BNC2: variants seen among roughly 807,000 people sequenced by gnomAD.
BNC2 encodes basonuclin zinc finger protein 2.
BNC2 carries 20 observed loss-of-function variants against 76.3 expected under a neutral mutation model. The observed-to-expected ratio is 0.26, with a 90% CI of 0.18 to 0.38. The LOEUF (loss-of-function observed/expected upper bound fraction) is 0.38, where lower values mean the gene tolerates loss of function less well. Ranked by LOEUF, BNC2 falls within the 10% of genes least tolerant of loss-of-function variation. The pLI is 1.00. For missense variants in BNC2, 1,382 were observed against 1,399.8 expected (o/e 0.99, Z 0.20); for synonymous variants, 582 against 514.8 (o/e 1.13, Z -1.77).
At chr9:16,738,196 T>C (rs1427578226) in intron 2 of BNC2, among the ~76,000 whole-genome samples, 164 bp downstream of exon 2, 1 of 152,080 alleles carries the variant, frequency 6.6e-6, no homozygotes, top group African/African-American at 2.4e-5. Flanking sequence ...AGGCAAGAAG[T>C]GTTAGGAAGC....
At chr9:16,478,541 C>CT (rs1239073901) in intron 5 of BNC2, among the ~76,000 whole-genome samples, 1 of 152,294 alleles carries the variant, frequency 6.6e-6, no homozygotes, top group Non-Finnish European at 1.5e-5. Context: ...AAAATACTGC[C>CT]TTTTTTTAGA....
intron 3 of BNC2, among the ~76,000 whole-genome samples, chr9:16,687,303 G>A (rs937991504): frequency 2.0e-5 from 3 of 152,066 alleles, no homozygotes; most frequent in African/African-American, 4.8e-5. Flanking sequence ...GACAACAAAG[G>A]AAAAAGGCGC....
chr9:16,452,831 A>C (rs1331422688), intron 5 of BNC2, among the ~76,000 whole-genome samples: 2 of 152,164 alleles, frequency 1.3e-5, no homozygotes, highest in Admixed American at 6.5e-5. Context: ...TCCTTCCTGC[A>C]ATTTCTAATT....
intron 5 of BNC2, among the ~76,000 whole-genome samples, chr9:16,440,949 CAAAT>C (rs1168866142): frequency 6.6e-6 from 1 of 152,154 alleles, no homozygotes; most frequent in Non-Finnish European, 1.5e-5. Context: ...TATTTGCAAA[CAAAT>C]AGACTTAAGA....
intron 1 of BNC2, among the ~76,000 whole-genome samples, chr9:16,811,470 T>C (rs1384595805): frequency 7.2e-6 from 1 of 138,904 alleles, no homozygotes; most frequent in Non-Finnish European, 1.5e-5. Context: ...GAGAATCACT[T>C]GAACCAGGGA....
intron 3 of BNC2, among the ~76,000 whole-genome samples, chr9:16,659,577 C>T (rs1587284202): frequency 6.9e-6 from 1 of 144,556 alleles, no homozygotes; most frequent in East Asian, 2.0e-4. Flanking sequence ...CACTGCACTC[C>T]AGCCCGGTGA....
Position 16,436,826 on chromosome 9 carries a change from G to A in BNC2, c.1368C>T (p.Leu456=). The change falls in exon 6 of 7, where the codon CTC becomes CTT. Residue 456 remains leucine (L), a synonymous_variant. Transcript: ENST00000380672. The part of the protein sequence containing the change: ...CGKTFYDKGT[L]KIHYNAVHLK... ...GGTGAACAGCATTGTAATGAATTTT[G>A]AGAGTACCTTTGTCATAGAATGTCT... is the stretch of plus-strand genomic sequence containing the variant. 1 of 1,614,156 alleles carries A rather than the reference G, an allele frequency of 6.2e-7. No homozygotes were observed. Among genetic ancestry groups the A allele is most frequent in the Non-Finnish European group, 8.5e-7 (1 of 1,180,028 alleles).
At chr9:16,532,763 T>C (rs1028549179) in intron 5 of BNC2, among the ~76,000 whole-genome samples, 22 of 152,238 alleles carry the variant, frequency 1.4e-4, no homozygotes, top group African/African-American at 5.1e-4. Context: ...GCTCTGAAGA[T>C]TACTTGCTTC....
At chr9:16,860,594 T>A (rs376041071) in intron 1 of BNC2, among the ~76,000 whole-genome samples, 4 of 151,908 alleles carry the variant, frequency 2.6e-5, no homozygotes, top group African/African-American at 9.7e-5. Flanking sequence ...AAGACACTTA[T>A]CAAAAAAAAC....
intron 3 of BNC2, among the ~76,000 whole-genome samples, chr9:16,713,611 C>G (rs1218274534): frequency 1.3e-5 from 2 of 152,064 alleles, no homozygotes; most frequent in Admixed American, 1.3e-4. Flanking sequence ...GTGCCACTGT[C>G]ATGCCTATAC....
chr9:16,851,548 C>T (rs1819127485), intron 1 of BNC2, among the ~76,000 whole-genome samples: 1 of 152,112 alleles, frequency 6.6e-6, no homozygotes, highest in Non-Finnish European at 1.5e-5. Context: ...GACTTTCTTC[C>T]AAATTCTAAG....
intron 1 of BNC2, among the ~76,000 whole-genome samples, chr9:16,805,183 G>A (rs1333247694): frequency 6.6e-6 from 1 of 152,202 alleles, no homozygotes; most frequent in Non-Finnish European, 1.5e-5. Flanking sequence ...GGGTTTGTCA[G>A]AGAACACATG....
At chr9:16,632,462 T>C (rs916987123) in intron 3 of BNC2, among the ~76,000 whole-genome samples, 2 of 152,082 alleles carry the variant, frequency 1.3e-5, no homozygotes, top group East Asian at 3.9e-4. Flanking sequence ...AAAAGCACCA[T>C]ATTCCCAAAT....
intron 1 of BNC2, among the ~76,000 whole-genome samples, chr9:16,810,190 C>T (rs1364426493): frequency 1.3e-5 from 2 of 152,090 alleles, no homozygotes; most frequent in African/African-American, 4.8e-5. Context: ...ATGAATTGTC[C>T]CTGACCTGTC....
rs1818158347 is a variant in BNC2, at chr9:16,815,399, G to A, written c.3+55247C>T. Among the ~76,000 whole-genome samples, 4 of 152,326 alleles carry A rather than the reference G, an allele frequency of 2.6e-5. No homozygotes were observed. In the South Asian group the frequency reaches 8.3e-4, roughly 32 times the overall value. ...CAACAGGAAGGATGGACAGCAGTAG[G>A]AGAGATTAGATATGGAATGTTTGTA... On this transcript the variant is annotated intron_variant, in intron 1 of 6. Coordinates refer to ENST00000380672, the MANE Select transcript of BNC2 (RefSeq NM_017637.6).
chr9:16,503,138 T>C (rs1014316528), intron 5 of BNC2, among the ~76,000 whole-genome samples: 2 of 152,068 alleles, frequency 1.3e-5, no homozygotes, highest in Non-Finnish European at 2.9e-5. Flanking sequence ...CAGAAAAGAA[T>C]ATAAGAGGAA....
chr9:16,671,520 C>T (rs570844943), intron 3 of BNC2, among the ~76,000 whole-genome samples: 51 of 152,260 alleles, frequency 3.3e-4, no homozygotes, highest in Non-Finnish European at 6.2e-4. Context: ...ACCTTTACCA[C>T]GAGGGGTTCT....
In BNC2 at chr9:16,414,132, T is replaced by C. The variant is rs992624559; in HGVS notation, c.*4857A>G. 2 of 152,256 alleles carry C rather than the reference T, an allele frequency of 1.3e-5. No individual in the cohort carries two copies. The highest frequency in any genetic ancestry group is 4.8e-5 in the African/African-American group (2 of 41,452). The allele number at this position is 152,256 out of a possible 1,614,324, so 9.4% of individuals were successfully genotyped here. On this transcript the variant is annotated 3_prime_UTR_variant, in exon 7 of 7. Transcript: ENST00000380672. ...CCCCAAAGGAACTTCAGCTATTTCA[T>C]GCAGCTGTACTTGCTTTCCTAACCC...
Position 16,552,736 on chromosome 9 carries a change from A to T in BNC2, c.463T>A (p.Tyr155Asn). The T allele has an allele frequency of 6.2e-7, 1 of 1,614,180 alleles. No homozygotes were observed. The highest frequency in any genetic ancestry group is 8.5e-7 in the Non-Finnish European group (1 of 1,180,020). The change falls in exon 5 of 7, where the codon TAC (tyrosine) becomes AAC (asparagine). Residue 155 changes from tyrosine to asparagine, a missense_variant. Tyr to Asn is a moderately radical substitution (Grantham distance 143). Around this residue, in one of 3 missense-constraint regions of BNC2, gnomAD observed 557 missense variants for 540.9 expected, o/e 1.03. Coordinates refer to ENST00000380672, the MANE Select transcript of BNC2 (RefSeq NM_017637.6). ...ALDKLSTQHL[Y>N]HPTQVEIVQS... ...ACAATCTCCACTTGGGTGGGGTGGTACAGGTGCTGCGTGCTGAGCTTATCC... is the reference window on the plus strand; with the variant it reads ...ACAATCTCCACTTGGGTGGGGTGGTTCAGGTGCTGCGTGCTGAGCTTATCC...
Sources: allele counts gnomAD v4.1 joint callset (sites outside exome capture counted in the v4.1 genomes callset), GRCh38; gene constraint gnomAD v4.1.1; regional missense constraint gnomAD v4.1.1; transcripts MANE v1.5; gene names NCBI Gene and HGNC (gene_info 2026-07-23, HGNC 2026-07-21).